Variants in GPD1L observed in about 807,000 individuals in gnomAD.
GPD1L encodes the protein glycerol-3-phosphate dehydrogenase 1 like.
In GPD1L, 17 loss-of-function variants were observed where a neutral mutation model predicts 32.9. The ratio of observed to expected loss-of-function variants is 0.52; its 90% CI spans 0.35 to 0.78. GPD1L has a LOEUF of 0.78. GPD1L is among the 30% of genes least tolerant of loss of function. GPD1L has a pLI of 0.01. For synonymous variants in GPD1L, 187 were observed against 165.9 expected, an observed-to-expected ratio of 1.13 and a Z score of -0.98; for missense variants, 361 against 447.8, an observed-to-expected ratio of 0.81 and a Z score of 1.75.
chr3:32,150,509 T>C (rs1172017278), intron 5 of GPD1L, among the ~76,000 whole-genome samples: 2 of 151,710 alleles, frequency 1.3e-5, no homozygotes, highest in African/African-American at 4.8e-5. Flanking sequence ...TTTTTTTTTT[T>C]TTTGAGACAG....
chr3:32,159,621 G>T lies in GPD1L; in HGVS notation c.906G>T (p.Pro302=), dbSNP rs200045526. The change falls in exon 7 of 8, where the codon CCG becomes CCT. Residue 302 remains proline, a synonymous_variant. Coordinates refer to ENST00000282541, the MANE Select transcript of GPD1L (RefSeq NM_015141.4). Reference sequence around the variant, plus strand: ...TGAATGGGCAAAAGCTCCAAGGACCGCAGACTTCTGCTGAAGTGTACCGCA... The same window carrying T: ...TGAATGGGCAAAAGCTCCAAGGACCTCAGACTTCTGCTGAAGTGTACCGCA... ...EMLNGQKLQG[P]QTSAEVYRIL... is the part of the protein sequence containing the mutation. 1.9e-6 allele frequency: 3 copies of T among 1,612,832 alleles called. No homozygotes were observed. Among genetic ancestry groups the T allele is most frequent in the Non-Finnish European group, 2.5e-6 (3 of 1,179,062 alleles).
chr3:32,147,799 T>C (rs10049381), intron 5 of GPD1L, among the ~76,000 whole-genome samples: 80,929 of 152,110 alleles, frequency 0.53, 24,841 homozygotes, highest in East Asian at 0.89. Context: ...AAAGAATGCC[T>C]GTCTATGCTT....
In GPD1L at chr3:32,140,288, G is replaced by C. The variant is rs760088500; in HGVS notation, c.427G>C (p.Gly143Arg). The change falls in exon 4 of 8, where the codon GGT (glycine) becomes CGT (arginine). Residue 143 changes from glycine to arginine, a missense_variant. Physicochemically the swap from Gly to Arg is moderately radical, Grantham distance 125. Transcript: ENST00000282541. ...LISDIIREKM[G>R]IDISVLMGAN... Reference sequence around the variant, plus strand: ...TTCTGACATCATCCGTGAGAAGATGGGTATTGACATCAGTGTGCTGATGGG... The same window carrying C: ...TTCTGACATCATCCGTGAGAAGATGCGTATTGACATCAGTGTGCTGATGGG... 2 of 1,614,056 alleles carry C rather than the reference G, an allele frequency of 1.2e-6. No homozygotes were observed. Among genetic ancestry groups the C allele is most frequent in the Admixed American group, 1.7e-5 (1 of 60,018 alleles).
rs1700465765 is a variant in GPD1L, at chr3:32,123,925, C to T, written c.48-4151C>T. On this transcript the variant is annotated intron_variant, in intron 1 of 7. Coordinates refer to ENST00000282541, the MANE Select transcript of GPD1L (RefSeq NM_015141.4). ...GACATGGAGAGTGCCAGCAGTGTGG[C>T]CGCAGGTCCCCAACTATGACCTGTT... Among the ~76,000 whole-genome samples, 5 of 152,222 alleles carry T rather than the reference C, an allele frequency of 3.3e-5. No homozygotes were observed. The South Asian group carries it at 8.3e-4, about 25-fold the overall frequency.
At chr3:32,141,731 A>G (rs1181486499) in intron 4 of GPD1L, among the ~76,000 whole-genome samples, 1 of 152,174 alleles carries the variant, frequency 6.6e-6, no homozygotes, top group African/African-American at 2.4e-5. Context: ...CTAAGATTGT[A>G]ATTTCCCACC....
intron 5 of GPD1L, chr3:32,151,952 T>C (rs1026536199): frequency 1.3e-5 from 2 of 152,724 alleles, no homozygotes; most frequent in African/African-American, 2.4e-5. Flanking sequence ...TCATTTTTAA[T>C]AGATTCTTTA....
chr3:32,130,954 G>T (rs1364018944), intron 2 of GPD1L, among the ~76,000 whole-genome samples: 1 of 151,986 alleles, frequency 6.6e-6, no homozygotes, highest in Non-Finnish European at 1.5e-5. Flanking sequence ...GGCGGAAGTT[G>T]CAGTGAGACG....
In GPD1L at chr3:32,166,375, T is replaced by C. The variant is rs1401716432; in HGVS notation, c.*465T>C. On this transcript the variant is annotated 3_prime_UTR_variant, in exon 8 of 8. Transcript: ENST00000282541. ...GTTCAAAGATCAACATATTTAACTT[T>C]TAAACACTATCTCAAAGCCAGCATA... 5.2e-6 allele frequency: 1 copy of C among 193,610 alleles called. No individual in the cohort carries two copies. Among genetic ancestry groups the C allele is most frequent in the East Asian group, 1.4e-4 (1 of 6,926 alleles). The allele number at this position is 193,610 out of a possible 1,614,324, so 12.0% of individuals were successfully genotyped here.
chr3:32,137,046 A>T (rs1015959784), intron 2 of GPD1L, among the ~76,000 whole-genome samples: 9 of 152,172 alleles, frequency 5.9e-5, no homozygotes, highest in Non-Finnish European at 1.3e-4. Flanking sequence ...ATTATAGAGA[A>T]AGGGGAGAAG....
intron 1 of GPD1L, among the ~76,000 whole-genome samples, chr3:32,119,714 T>C (rs1452915621): frequency 6.6e-6 from 1 of 152,202 alleles, no homozygotes; most frequent in Non-Finnish European, 1.5e-5. Context: ...TTATTCATAA[T>C]TTTTTTCATG....
At chr3:32,142,072 CACTT>C (rs1700751666) in intron 4 of GPD1L, among the ~76,000 whole-genome samples, 1 of 151,958 alleles carries the variant, frequency 6.6e-6, no homozygotes, top group Non-Finnish European at 1.5e-5. Context: ...TATGTTAACT[CACTT>C]AGGATAATGG....
intron 1 of GPD1L, among the ~76,000 whole-genome samples, chr3:32,120,723 A>G (rs1442530850): frequency 6.6e-6 from 1 of 152,234 alleles, no homozygotes; most frequent in African/African-American, 2.4e-5. Flanking sequence ...AATTGCAAGC[A>G]TGCAAGTTAT....
chr3:32,151,217 CT>C, intron 5 of GPD1L: 1 of 602,616 alleles, frequency 1.7e-6, no homozygotes, highest in Non-Finnish European at 3.2e-6. Context: ...TGGCTTCCTT[CT>C]TTTTCTGATC....
At chr3:32,109,394 G>T (rs1267852910) in intron 1 of GPD1L, among the ~76,000 whole-genome samples, 1 of 152,202 alleles carries the variant, frequency 6.6e-6, no homozygotes, top group Admixed American at 6.5e-5. Context: ...CCTCTGCTGG[G>T]ATTTGGCTGC....
chr3:32,139,505 T>G (rs1700708822), intron 3 of GPD1L, among the ~76,000 whole-genome samples: 1 of 152,202 alleles, frequency 6.6e-6, no homozygotes, highest in Non-Finnish European at 1.5e-5. Context: ...ATTTTAGGTG[T>G]TTTGTTTTAT....
rs964292891 is a variant in GPD1L at position 32,159,824 on chromosome 3, T to C, written c.959+150T>C. The stretch of plus-strand genomic sequence containing the variant: ...CAGTCCTTTGTGTGATGTGAACGTC[T>C]GTGATGAGAAGCATCTACCTACTCC... On this transcript the variant is annotated intron_variant, in intron 7 of 7. Transcript: ENST00000282541. 6 of 689,910 alleles carry C rather than the reference T, an allele frequency of 8.7e-6. No homozygotes were observed. The East Asian group carries it at 1.6e-4, about 19-fold the overall frequency. 42.7% of individuals were successfully genotyped at this position (689,910 alleles called of 1,614,324 possible).
chr3:32,138,583 G>T lies in GPD1L; in HGVS notation c.226-4G>T. ...AAACGGTCTTCTCTGCCTTTTGGTTGCAGGTTGCCATGTCAAATCTTAGCG... is the reference window on the plus strand; with the variant it reads ...AAACGGTCTTCTCTGCCTTTTGGTTTCAGGTTGCCATGTCAAATCTTAGCG... On this transcript the variant is annotated splice_region_variant and splice_polypyrimidine_tract_variant and intron_variant, in intron 2 of 7. Transcript: ENST00000282541. The T allele has an allele frequency of 6.2e-7, 1 of 1,613,942 alleles. No individual in the cohort carries two copies. Among genetic ancestry groups the T allele is most frequent in the African/African-American group, 1.3e-5 (1 of 75,016 alleles).
intron 5 of GPD1L, among the ~76,000 whole-genome samples, chr3:32,152,423 G>A (rs1471563485): frequency 6.6e-6 from 1 of 152,156 alleles, no homozygotes; most frequent in Non-Finnish European, 1.5e-5. Context: ...GGCTCATACA[G>A]TTCTGGAGGC....
Position 32,128,230 on chromosome 3 carries a change from G to A in GPD1L, c.202G>A (p.Gly68Arg), listed in dbSNP as rs1379222541. Residue 68 changes from glycine (G) to arginine (R), a missense_variant, in exon 2 of 8, where the codon GGA (glycine) becomes AGA (arginine). Physicochemically the swap from Gly to Arg is moderately radical, Grantham distance 125 (BLOSUM62 -2). Transcript: ENST00000282541. Reference sequence around the variant, plus strand: ...CCATGAAAATGTAAAATATCTTCCTGGACACAAGCTGCCAGAAAATGTGGT... The same window carrying A: ...CCATGAAAATGTAAAATATCTTCCTAGACACAAGCTGCCAGAAAATGTGGT... ...NDHENVKYLP[G>R]HKLPENVVAM... 6.2e-7 allele frequency: 1 copy of A among 1,613,660 alleles called. No individual in the cohort carries two copies. Among genetic ancestry groups the A allele is most frequent in the Non-Finnish European group, 8.5e-7 (1 of 1,179,672 alleles).
Sources: gnomAD v4.1 joint callset for allele counts (sites outside exome capture counted in the v4.1 genomes callset) on GRCh38, gnomAD v4.1.1 for gene constraint, MANE v1.5 for transcripts, NCBI Gene and HGNC (gene_info 2026-07-23, HGNC 2026-07-21) for gene names.